The following PROS1 variants were observed in gnomAD, a reference collection of about 807,000 sequenced individuals.
PROS1 encodes protein S.
A neutral mutation model predicts 75.9 loss-of-function variants in PROS1; 29 were observed. The ratio of observed to expected loss-of-function variants is 0.38; its 90% CI spans 0.28 to 0.52. The LOEUF is 0.52. Among genes scored for constraint, PROS1 ranks in the 20% least tolerant of loss-of-function variants. The probability of loss-of-function intolerance (pLI) is 0.83; values close to 1 mark genes in which losing one functional copy is unlikely to be tolerated. For missense variants in PROS1, 680 were observed against 810.3 expected, an observed-to-expected ratio of 0.84 and a Z score of 1.95; for synonymous variants, 245 against 280.6, an observed-to-expected ratio of 0.87 and a Z score of 1.27.
At chr3:93,968,218 T>A (rs1193988952) in intron 1 of PROS1, among the ~76,000 whole-genome samples, 1 of 152,094 alleles carries the variant, frequency 6.6e-6, no homozygotes, top group Non-Finnish European at 1.5e-5. Context: ...GATGATCAAA[T>A]TAAGATGAGG....
chr3:93,950,695 T>C (rs1285428868), intron 1 of PROS1, among the ~76,000 whole-genome samples: 2 of 152,166 alleles, frequency 1.3e-5, no homozygotes, highest in African/African-American at 2.4e-5. Context: ...TCACCATCAT[T>C]AAAGACCAAA....
At position 93,953,488 on chromosome 3, in the gene PROS1, A is replaced by C. The variant is rs188479958; in HGVS notation, c.76+20186T>G. Among the ~76,000 whole-genome samples the C allele has an allele frequency of 3.2e-3, 488 of 152,196 alleles. 3 individuals are homozygous for C. Among genetic ancestry groups the C allele is most frequent in the African/African-American group, 0.011 (456 of 41,560 alleles). Reference sequence around the variant, plus strand: ...AACCAAAGACAAAAACCACGATTATATCAATAGATGCAGAAAAGGCCTTCA... The same window carrying C: ...AACCAAAGACAAAAACCACGATTATCTCAATAGATGCAGAAAAGGCCTTCA... On this transcript the variant is annotated intron_variant, in intron 1 of 14. Transcript: ENST00000394236.
At chr3:93,891,900 A>G (rs1460126326) in intron 10 of PROS1, among the ~76,000 whole-genome samples, 3 of 151,784 alleles carry the variant, frequency 2.0e-5, no homozygotes, top group Non-Finnish European at 4.4e-5. Flanking sequence ...ATTTTTTTTT[A>G]AGGATTACTT....
intron 1 of PROS1, among the ~76,000 whole-genome samples, chr3:93,971,392 TAAATAAA>T (rs1709879506): frequency 6.8e-6 from 1 of 148,040 alleles, no homozygotes; most frequent in Non-Finnish European, 1.5e-5. Context: ...AATAAATAAA[TAAATAAA>T]TAATTCTAAA....
chr3:93,886,194 T>G, intron 11 of PROS1, 142 bp downstream of exon 11: 3 of 701,098 alleles, frequency 4.3e-6, no homozygotes, highest in Non-Finnish European at 7.4e-6. Context: ...ACTAATGTTA[T>G]TTTTCCATGA....
rs1708137305 is a variant in PROS1, at chr3:93,873,422, T to C, written c.*823A>G. 6.6e-6 allele frequency: 1 copy of C among 152,218 alleles called. No individual in the cohort carries two copies. Among genetic ancestry groups the C allele is most frequent in the African/African-American group, 2.4e-5 (1 of 41,452 alleles). 9.4% of individuals were successfully genotyped at this position (152,218 alleles called of 1,614,324 possible). ...CATTTTGGCAACTTACTCTGGTAAT[T>C]AAAAGTTGGATTCAAGGAAAACTAT... On this transcript the variant is annotated 3_prime_UTR_variant, in exon 15 of 15. Coordinates refer to ENST00000394236, the MANE Select transcript of PROS1 (RefSeq NM_000313.4).
At chr3:93,962,097 G>T (rs1173811983) in intron 1 of PROS1, among the ~76,000 whole-genome samples, 1 of 152,074 alleles carries the variant, frequency 6.6e-6, no homozygotes, top group Non-Finnish European at 1.5e-5. Context: ...CATGCTGGTG[G>T]GAGGGACAGC....
intron 1 of PROS1, among the ~76,000 whole-genome samples, chr3:93,951,799 G>C (rs1032223427): frequency 1.1e-4 from 16 of 152,190 alleles, no homozygotes; most frequent in Admixed American, 8.5e-4. Flanking sequence ...ATTGGATAAA[G>C]AGTTAAGACC....
At chr3:93,894,006 C>G (rs1385627841) in intron 9 of PROS1, among the ~76,000 whole-genome samples, 2 of 151,964 alleles carry the variant, frequency 1.3e-5, no homozygotes, top group Non-Finnish European at 2.9e-5. Context: ...TTGAAGTTTC[C>G]AAGGGACTAG....
intron 14 of PROS1, among the ~76,000 whole-genome samples, chr3:93,875,392 C>T (rs1220725091): frequency 6.6e-6 from 1 of 152,034 alleles, no homozygotes; most frequent in African/African-American, 2.4e-5. Flanking sequence ...AAATCTTCCC[C>T]ACTCTTTCTC....
chr3:93,876,015 T>C (rs1475320040), intron 14 of PROS1, among the ~76,000 whole-genome samples: 1 of 152,208 alleles, frequency 6.6e-6, no homozygotes, highest in African/African-American at 2.4e-5. Context: ...TCTCCATCCA[T>C]GCAACTGCTC....
intron 3 of PROS1, among the ~76,000 whole-genome samples, chr3:93,922,941 G>T (rs1326600057): frequency 3.9e-5 from 6 of 152,178 alleles, no homozygotes; most frequent in Non-Finnish European, 8.8e-5. Context: ...GACACATTAA[G>T]TTATTTATGT....
chr3:93,906,093 T>A lies in PROS1; in HGVS notation c.397A>T (p.Ser133Cys). 1 of 1,614,084 alleles carries A rather than the reference T, an allele frequency of 6.2e-7. No homozygotes were observed. Among genetic ancestry groups the A allele is most frequent in the South Asian group, 1.1e-5 (1 of 91,084 alleles). ...AAAGAAGCTTTTCCATCTTTGCAGC[T>A]CATATATCCATCTTCATTGCATGGC... Reference protein sequence around the residue: ...PLPCNEDGYMSCKDGKASFTC... With the variant: ...PLPCNEDGYMCCKDGKASFTC... The change falls in exon 5 of 15, where the codon AGC (serine) becomes TGC (cysteine). Residue 133 changes from serine (S) to cysteine (C), a missense_variant. Coordinates refer to ENST00000394236, the MANE Select transcript of PROS1 (RefSeq NM_000313.4).
chr3:93,942,574 G>T (rs1417992113), intron 1 of PROS1, among the ~76,000 whole-genome samples: 3 of 152,002 alleles, frequency 2.0e-5, no homozygotes, highest in African/African-American at 7.3e-5. Context: ...CTTTCTCACT[G>T]GTCACTCCCA....
intron 4 of PROS1, among the ~76,000 whole-genome samples, chr3:93,906,655 G>C (rs917644906): frequency 2.6e-5 from 4 of 152,242 alleles, no homozygotes; most frequent in African/African-American, 7.2e-5. Context: ...GGTGGGACAA[G>C]AGTCCCCTGA....
chr3:93,967,258 G>A (rs1709805885), intron 1 of PROS1, among the ~76,000 whole-genome samples: 1 of 152,204 alleles, frequency 6.6e-6, no homozygotes, highest in South Asian at 2.1e-4. Flanking sequence ...TGTTGATTAA[G>A]AAGGGCTCTT....
intron 8 of PROS1, among the ~76,000 whole-genome samples, chr3:93,898,040 G>T (rs959091808): frequency 2.0e-5 from 3 of 151,948 alleles, no homozygotes; most frequent in Non-Finnish European, 2.9e-5. Flanking sequence ...AACGCCTAAG[G>T]CATGATCAAA....
rs184608722 is a variant in PROS1 at position 93,886,657 on chromosome 3, T to A, written c.1156-154A>T. On this transcript the variant is annotated intron_variant, in intron 10 of 14. Transcript: ENST00000394236. ...TTAATTTGTTACAACTCATTTGGAA[T>A]GTCAAATTATGATAAATGTGATAAA... is the stretch of plus-strand genomic sequence containing the variant. 3.0e-4 allele frequency among the ~76,000 whole-genome samples: 46 copies of A among 152,326 alleles called. 1 individual carries two copies. Among genetic ancestry groups the A allele is most frequent in the Admixed American group, 2.1e-3 (32 of 15,300 alleles).
At chr3:93,876,061 T>C (rs1266066287) in intron 14 of PROS1, among the ~76,000 whole-genome samples, 1 of 152,178 alleles carries the variant, frequency 6.6e-6, no homozygotes, top group African/African-American at 2.4e-5. Context: ...TATACCTGTC[T>C]TTCAGTTATT....
Sources: allele counts gnomAD v4.1 joint callset (sites outside exome capture counted in the v4.1 genomes callset), GRCh38; gene constraint gnomAD v4.1.1; transcripts MANE v1.5; gene names NCBI Gene and HGNC (gene_info 2026-07-23, HGNC 2026-07-21).